The following P4HA2 variants were observed in gnomAD, a reference collection of about 807,000 sequenced individuals.
The protein encoded by P4HA2 is prolyl 4-hydroxylase subunit alpha 2, also known as prolyl 4-hydroxylase subunit alpha-2.
A neutral mutation model predicts 76.9 loss-of-function variants in P4HA2; 46 were observed. The ratio of observed to expected loss-of-function variants is 0.60; its 90% CI spans 0.47 to 0.76. P4HA2 has a LOEUF of 0.76. Ranked by LOEUF, P4HA2 falls within the 30% of genes least tolerant of loss-of-function variation. The pLI, the probability that P4HA2 is intolerant of heterozygous loss-of-function variation, is 0.00. For missense variants in P4HA2, 583 were observed against 669.4 expected (o/e 0.87, Z 1.42); for synonymous variants, 243 against 254.0 (o/e 0.96, Z 0.41).
intron 10 of P4HA2, 126 bp downstream of exon 10, chr5:132,203,622 C>A: frequency 1.5e-6 from 1 of 668,046 alleles, no homozygotes; most frequent in Non-Finnish European, 2.7e-6. Context: ...GAGATCACTC[C>A]ATATTCATAG....
intron 1 of P4HA2, among the ~76,000 whole-genome samples, chr5:132,222,935 G>A (rs539559470): frequency 8.9e-4 from 136 of 152,326 alleles, no homozygotes; most frequent in African/African-American, 3.3e-3. Flanking sequence ...TGGCAGTCTG[G>A]ATGAGACTAA....
rs566005042 is a variant in P4HA2, at chr5:132,196,415, T to C, written c.1366-935A>G. On this transcript the variant is annotated intron_variant, in intron 12 of 14. Coordinates refer to ENST00000360568, the MANE Select transcript of P4HA2 (RefSeq NM_001017974.2). ...GTTCCTTTTCTCTTACAGGACTACA[T>C]ACACTCTCTCTTCTGCCAGAAACCA... 8.5e-5 allele frequency among the ~76,000 whole-genome samples: 13 copies of C among 152,306 alleles called. 1 individual carries two copies. In the East Asian group the frequency reaches 1.7e-3, roughly 20 times the overall value.
chr5:132,219,359 G>T (rs1754337941), intron 1 of P4HA2, among the ~76,000 whole-genome samples: 1 of 152,202 alleles, frequency 6.6e-6, no homozygotes. Flanking sequence ...ACCTGCAGAT[G>T]CCAGGCACTG....
chr5:132,209,301 A>C lies in P4HA2; in HGVS notation c.740T>G (p.Leu247Arg), dbSNP rs1443314138. The change falls in exon 7 of 15, where the codon CTG (leucine) becomes CGG (arginine). Residue 247 changes from leucine to arginine, a missense_variant. Transcript: ENST00000360568. ...CTCCAATAACTGCTCAAAGTACCGC[A>C]GATTCCCTCCAGCTCGTTCGTGGCT... Reference protein sequence around the residue: ...DPSHERAGGNLRYFEQLLEEE... With the variant: ...DPSHERAGGNRRYFEQLLEEE... 2.5e-6 allele frequency: 4 copies of C among 1,614,154 alleles called. No homozygotes were observed. The East Asian group carries it at 8.9e-5, about 36-fold the overall frequency.
chr5:132,218,008 C>T, intron 2 of P4HA2, 160 bp from the exon 3 acceptor site: 1 of 552,516 alleles, frequency 1.8e-6, no homozygotes, highest in Admixed American at 3.4e-5. Flanking sequence ...GGGGCCTAGG[C>T]ACTCATGGGG....
In P4HA2 at chr5:132,191,662, C is replaced by G. The variant is rs1000421409; in HGVS notation, c.*1348G>C. Among the ~76,000 whole-genome samples the G allele has an allele frequency of 6.6e-6, 1 of 152,070 alleles. No individual in the cohort carries two copies. The highest frequency in any genetic ancestry group is 2.4e-5 in the African/African-American group (1 of 41,388). On this transcript the variant is annotated 3_prime_UTR_variant, in exon 15 of 15. Coordinates refer to ENST00000360568, the MANE Select transcript of P4HA2 (RefSeq NM_001017974.2). ...ATTGGGGTAATAACTCTCATTTACT[C>G]CTGGTGAGAATGTGTATAACCACCT...
intron 8 of P4HA2, among the ~76,000 whole-genome samples, chr5:132,205,126 G>A (rs574207234): frequency 2.6e-5 from 4 of 152,374 alleles, no homozygotes; most frequent in Admixed American, 2.0e-4. Context: ...GTCAAGTGGG[G>A]AAAGCAGAAA....
intron 10 of P4HA2, chr5:132,199,909 G>A (rs567933908): frequency 3.3e-5 from 5 of 152,324 alleles, no homozygotes; most frequent in African/African-American, 4.8e-5. Flanking sequence ...CTATAAAAAC[G>A]TGGGACAGAA....
chr5:132,199,733 C>A (rs1000096069), intron 10 of P4HA2: 2 of 152,280 alleles, frequency 1.3e-5, no homozygotes, highest in African/African-American at 4.8e-5. Context: ...TCAAGTAGCA[C>A]CACCAATGTC....
chr5:132,214,448 G>A (rs908593984), intron 4 of P4HA2, among the ~76,000 whole-genome samples: 1 of 152,130 alleles, frequency 6.6e-6, no homozygotes, highest in Non-Finnish European at 1.5e-5. Context: ...ACCACTCAGT[G>A]GAAAATAAAT....
At chr5:132,222,268 G>A (rs768906095) in intron 1 of P4HA2, among the ~76,000 whole-genome samples, 1 of 152,206 alleles carries the variant, frequency 6.6e-6, no homozygotes, top group Non-Finnish European at 1.5e-5. Flanking sequence ...GGGCTGAAAG[G>A]ACCTGTGTGT....
intron 8 of P4HA2, among the ~76,000 whole-genome samples, chr5:132,206,007 C>A: frequency 6.6e-6 from 1 of 152,138 alleles, no homozygotes; most frequent in Non-Finnish European, 1.5e-5. Context: ...AGCATCTGTC[C>A]CTCACAGTCT....
intron 4 of P4HA2, among the ~76,000 whole-genome samples, chr5:132,216,176 A>AAAAC: frequency 6.6e-6 from 1 of 150,752 alleles, no homozygotes; most frequent in Admixed American, 6.6e-5. Context: ...AAAAAAAAAA[A>AAAAC]AAAAAAAAAA....
At chr5:132,216,057 C>G (rs13166479) in intron 4 of P4HA2, among the ~76,000 whole-genome samples, 1 of 148,440 alleles carries the variant, frequency 6.7e-6, no homozygotes, top group African/African-American at 2.5e-5. Flanking sequence ...CCCAGCTAGT[C>G]AGGAGGCTGA....
intron 1 of P4HA2, among the ~76,000 whole-genome samples, chr5:132,220,801 T>C (rs566394564): frequency 3.3e-5 from 5 of 151,742 alleles, no homozygotes; most frequent in South Asian, 2.1e-4. Context: ...CAGATGGGGT[T>C]TGGGCAGAGC....
At position 132,191,234 on chromosome 5, in the gene P4HA2, C is replaced by T. The variant is rs1484769210; in HGVS notation, c.*1776G>A. On this transcript the variant is annotated 3_prime_UTR_variant, in exon 15 of 15. Coordinates refer to ENST00000360568, the MANE Select transcript of P4HA2 (RefSeq NM_001017974.2). ...GGGGTTAAGATTTCAACATATGGGC[C>T]GGGCGCGGTGGCTCACGCCTGTAAT... is the stretch of plus-strand genomic sequence containing the variant. Among the ~76,000 whole-genome samples, 14 of 152,182 alleles carry T rather than the reference C, an allele frequency of 9.2e-5. No individual in the cohort carries two copies. Among genetic ancestry groups the T allele is most frequent in the African/African-American group, 2.9e-4 (12 of 41,450 alleles).
intron 13 of P4HA2, 64 bp from the exon 14 acceptor site, chr5:132,195,086 A>G: frequency 9.2e-7 from 1 of 1,091,146 alleles, no homozygotes; most frequent in South Asian, 1.2e-5. Context: ...CCTGACTGCA[A>G]GCATCACAGA....
intron 1 of P4HA2, among the ~76,000 whole-genome samples, chr5:132,224,794 C>T (rs1003131155): frequency 2.6e-5 from 4 of 152,114 alleles, no homozygotes; most frequent in Non-Finnish European, 5.9e-5. Flanking sequence ...TACAAGTACC[C>T]AGGCCTGAGG....
In P4HA2 at chr5:132,209,699, C is replaced by A. The variant is rs140036303; in HGVS notation, c.710-368G>T. ...CTGAGGCAGGAAAATCTCATCAACC[C>A]GGGAGGCGGAGGTTACAGTGAGCTG... On this transcript the variant is annotated intron_variant, in intron 6 of 14. Transcript: ENST00000360568. Among the ~76,000 whole-genome samples, 559 of 138,748 alleles carry A rather than the reference C, an allele frequency of 4.0e-3. 6 individuals are homozygous for A. The highest frequency in any genetic ancestry group is 0.015 in the African/African-American group (535 of 36,528). The allele number at this position is 138,748 out of a possible 152,430, so 91.0% of individuals were successfully genotyped here.
Sources: gnomAD v4.1 joint callset for allele counts (sites outside exome capture counted in the v4.1 genomes callset) on GRCh38, gnomAD v4.1.1 for gene constraint, MANE v1.5 for transcripts, NCBI Gene and HGNC (gene_info 2026-07-23, HGNC 2026-07-21) for gene names.